The following SULT4A1 variants were observed in gnomAD, a reference collection of about 807,000 sequenced individuals.
SULT4A1 encodes sulfotransferase 4A1.
A neutral mutation model predicts 35.2 loss-of-function variants in SULT4A1; 11 were observed. That is an observed-to-expected ratio of 0.31 (90% CI 0.20 to 0.52). SULT4A1 has a LOEUF of 0.52. Among genes scored for constraint, SULT4A1 ranks in the 20% least tolerant of loss-of-function variants. The pLI is 0.97. For missense variants in SULT4A1, 271 were observed against 383.7 expected (o/e 0.71, Z 2.45); for synonymous variants, 152 against 151.8 (o/e 1.00, Z -0.01).
rs2063283952 is a variant in SULT4A1, at chr22:43,825,940, C to T, written c.*61G>A. The T allele has an allele frequency of 6.6e-7, 1 of 1,513,078 alleles. No homozygotes were observed. The highest frequency in any genetic ancestry group is 1.7e-5 in the Admixed American group (1 of 57,202). The allele number at this position is 1,513,078 out of a possible 1,614,324, so 93.7% of individuals were successfully genotyped here. A position where few individuals can be genotyped will look rare whatever the true frequency, so the allele number is the denominator to read the frequency against. ...CCAGCAAGGAATAAATGAATGCATA[C>T]AGGACTTTTGGCTAGTAGACTGTCT... is the stretch of plus-strand genomic sequence containing the variant. On this transcript the variant is annotated 3_prime_UTR_variant, in exon 7 of 7. Transcript: ENST00000330884.
At chr22:43,852,348 G>GT (rs3994809) in intron 1 of SULT4A1, among the ~76,000 whole-genome samples, 51,889 of 147,748 alleles carry the variant, frequency 0.35, 10,639 homozygotes, top group East Asian at 0.92. Flanking sequence ...TTTTTTTGTT[G>GT]TTTTTTTTTT....
At chr22:43,832,338 C>T (rs532424176) in intron 5 of SULT4A1, among the ~76,000 whole-genome samples, 6 of 152,296 alleles carry the variant, frequency 3.9e-5, no homozygotes, top group Admixed American at 1.3e-4. Flanking sequence ...TGACCTTGCT[C>T]TTTCCTCACC....
chr22:43,833,626 C>T lies in SULT4A1; in HGVS notation c.603+14G>A, dbSNP rs541151077. 26 of 1,585,476 alleles carry T rather than the reference C, an allele frequency of 1.6e-5. No homozygotes were observed. In the East Asian group the frequency reaches 5.7e-4, roughly 35 times the overall value. On this transcript the variant is annotated intron_variant, in intron 5 of 6. Transcript: ENST00000330884. ...CCAGGGCACCCGGAGGACAGCTGCT[C>T]CGGCAGCACTCACCCGATGCATGTC... is the stretch of plus-strand genomic sequence containing the variant.
At chr22:43,843,011 C>A (rs1187980091) in intron 1 of SULT4A1, among the ~76,000 whole-genome samples, 1 of 148,852 alleles carries the variant, frequency 6.7e-6, no homozygotes, top group Non-Finnish European at 1.5e-5. Context: ...CTCTGACCTT[C>A]TCCTGCCCCC....
In SULT4A1 at chr22:43,841,861, T is replaced by G. The variant is rs1270971942; in HGVS notation, c.241A>C (p.Asn81His). 3 of 1,614,000 alleles carry G rather than the reference T, an allele frequency of 1.9e-6. No individual in the cohort carries two copies. Among genetic ancestry groups the G allele is most frequent in the Non-Finnish European group, 2.5e-6 (3 of 1,179,920 alleles). ...AGGACCGGGAGCTGCTCGTCGATGT[T>G]CATCAAGCCGATCTCATCGGGGTCA... ...GADPDEIGLMNIDEQLPVLEY... is the reference protein window; with the variant it reads ...GADPDEIGLMHIDEQLPVLEY... The change falls in exon 2 of 7, where the codon AAC becomes CAC. Residue 81 changes from asparagine to histidine, a missense_variant. Asn to His is a moderately conservative substitution (Grantham distance 68). Transcript: ENST00000330884.
Position 43,841,946 on chromosome 22 carries a change from G to A in SULT4A1, c.170-14C>T. 1.2e-6 allele frequency: 2 copies of A among 1,611,370 alleles called. No individual in the cohort carries two copies. The highest frequency in any genetic ancestry group is 1.7e-6 in the Non-Finnish European group (2 of 1,178,566). On this transcript the variant is annotated splice_polypyrimidine_tract_variant and intron_variant, in intron 1 of 6. Transcript: ENST00000330884. ...GCAAGCTGGTGCCTGGAGGGGAGAA[G>A]CCCCAGCGCGGGGTGCTCAGAGGAG...
Position 43,862,447 on chromosome 22 carries a change from G to GCCCGCA in SULT4A1, c.-66_-65insTGCGGG. 1.0e-6 allele frequency: 1 copy of GCCCGCA among 971,498 alleles called. No individual in the cohort carries two copies. Among genetic ancestry groups the GCCCGCA allele is most frequent in the Non-Finnish European group, 1.2e-6 (1 of 823,074 alleles). The allele number at this position is 971,498 out of a possible 1,614,324, so 60.2% of individuals were successfully genotyped here. On this transcript the variant is annotated 5_prime_UTR_variant, in exon 1 of 7. Transcript: ENST00000330884. ...GCAGCCCGCACGCGCCCGCGCCCGC[G>GCCCGCA]CCCGCGCCCGCGCCCCGCACACGCT...
In SULT4A1 at chr22:43,825,221, C is replaced by T. The variant is rs1263336504; in HGVS notation, c.*780G>A. The T allele has an allele frequency of 2.0e-5, 3 of 152,178 alleles. No individual in the cohort carries two copies. Among genetic ancestry groups the T allele is most frequent in the Non-Finnish European group, 2.9e-5 (2 of 68,036 alleles). The allele number at this position is 152,178 out of a possible 1,614,324, so 9.4% of individuals were successfully genotyped here. On this transcript the variant is annotated 3_prime_UTR_variant, in exon 7 of 7. Coordinates refer to ENST00000330884, the MANE Select transcript of SULT4A1 (RefSeq NM_014351.4). ...GAGCGCAACTCGGTCCTTTGGTGGC[C>T]GACTCTCCACCCACTGCATGCAAAT...
At chr22:43,839,384 A>G (rs2063406171) in intron 3 of SULT4A1, among the ~76,000 whole-genome samples, 1 of 152,220 alleles carries the variant, frequency 6.6e-6, no homozygotes, top group Non-Finnish European at 1.5e-5. Flanking sequence ...ACCTGAGGTC[A>G]GTAGTTCAAG....
chr22:43,829,869 G>C (rs1429855897), intron 5 of SULT4A1, among the ~76,000 whole-genome samples: 3 of 152,208 alleles, frequency 2.0e-5, no homozygotes, highest in Non-Finnish European at 4.4e-5. Context: ...TTAGGAAGAT[G>C]CTGGAGGCTG....
At chr22:43,857,336 AG>A (rs2049412770) in intron 1 of SULT4A1, among the ~76,000 whole-genome samples, 1 of 142,348 alleles carries the variant, frequency 7.0e-6, no homozygotes, top group Admixed American at 7.4e-5. Flanking sequence ...CAGGAATTCT[AG>A]GCCAGTCTGA....
At position 43,840,037 on chromosome 22, in the gene SULT4A1, CAG is replaced by C; in HGVS notation, c.301-14_301-13del. The C allele has an allele frequency of 6.3e-7, 1 of 1,590,230 alleles. No homozygotes were observed. Among genetic ancestry groups the C allele is most frequent in the Non-Finnish European group, 8.5e-7 (1 of 1,170,194 alleles). On this transcript the variant is annotated splice_polypyrimidine_tract_variant and intron_variant, in intron 2 of 6. Coordinates refer to ENST00000330884, the MANE Select transcript of SULT4A1 (RefSeq NM_014351.4). Reference sequence around the variant, plus strand: ...GGAGAGGTCAGTTCCTGCGTGGAGTCAGAGGGAGAGGCAGGTCAGAGGAAAGG... The same window carrying C: ...GGAGAGGTCAGTTCCTGCGTGGAGTCAGGGAGAGGCAGGTCAGAGGAAAGG...
chr22:43,857,845 T>A (rs2049419281), intron 1 of SULT4A1, among the ~76,000 whole-genome samples: 1 of 151,028 alleles, frequency 6.6e-6, no homozygotes, highest in African/African-American at 2.4e-5. Context: ...AGCCCATGAG[T>A]CCAAGACCAG....
intron 2 of SULT4A1, among the ~76,000 whole-genome samples, chr22:43,841,102 G>C (rs138076): frequency 6.6e-6 from 1 of 152,128 alleles, no homozygotes; most frequent in Admixed American, 6.5e-5. Flanking sequence ...ACGGCAGTAC[G>C]GAACGACTCC....
intron 1 of SULT4A1, among the ~76,000 whole-genome samples, chr22:43,851,796 C>A (rs1176434121): frequency 1.3e-5 from 2 of 152,204 alleles, no homozygotes; most frequent in Non-Finnish European, 2.9e-5. Flanking sequence ...AAGAAGAAAA[C>A]TGTCTTGGTG....
intron 1 of SULT4A1, among the ~76,000 whole-genome samples, chr22:43,861,650 G>A (rs528116440): frequency 4.8e-4 from 73 of 152,346 alleles, no homozygotes; most frequent in African/African-American, 1.8e-3. Flanking sequence ...CGGTGATGGA[G>A]GCAGCCCTGA....
chr22:43,861,317 C>T (rs1323866001), intron 1 of SULT4A1, among the ~76,000 whole-genome samples: 1 of 152,194 alleles, frequency 6.6e-6, no homozygotes, highest in Non-Finnish European at 1.5e-5. Flanking sequence ...TTCTAAACCA[C>T]GCTGTGATTG....
At chr22:43,826,405 C>A in intron 6 of SULT4A1, 1 of 985,394 alleles carries the variant, frequency 1.0e-6, no homozygotes, top group African/African-American at 1.7e-5. Context: ...CTGGGGCCCA[C>A]CAGGGAGACT....
intron 4 of SULT4A1, among the ~76,000 whole-genome samples, chr22:43,837,263 C>G (rs1181859456): frequency 6.6e-6 from 1 of 152,228 alleles, no homozygotes; most frequent in African/African-American, 2.4e-5. Flanking sequence ...TGTGTGGGAC[C>G]TTGCACTCAG....
Sources: gnomAD v4.1 joint callset for allele counts (sites outside exome capture counted in the v4.1 genomes callset) on GRCh38, gnomAD v4.1.1 for gene constraint, MANE v1.5 for transcripts, NCBI Gene and HGNC (gene_info 2026-07-23, HGNC 2026-07-21) for gene names.